The following SLX9 variants were observed in gnomAD, a reference collection of about 807,000 sequenced individuals.
The protein encoded by SLX9 is SLX9 ribosome biogenesis factor, also known as ribosome biogenesis protein SLX9 homolog.
SLX9 carries 19 observed loss-of-function variants against 20.8 expected under a neutral mutation model. The ratio of observed to expected loss-of-function variants is 0.91; its 90% CI spans 0.64 to 1.34. The LOEUF (loss-of-function observed/expected upper bound fraction) is 1.34. Ranked by LOEUF, SLX9 falls within the 40% of genes most tolerant of loss-of-function variation. The probability of loss-of-function intolerance (pLI) is 0.00; values close to 1 mark genes in which losing one functional copy is unlikely to be tolerated. For missense variants in SLX9, 299 were observed against 322.2 expected (o/e 0.93, Z 0.55); for synonymous variants, 113 against 137.1 (o/e 0.82, Z 1.23).
chr21:44,960,290 G>C, intron 3 of SLX9, 122 bp downstream of exon 3: 2 of 922,064 alleles, frequency 2.2e-6, no homozygotes, highest in Non-Finnish European at 3.5e-6. Flanking sequence ...GAGTGCCCAA[G>C]GGGATCACCC....
In SLX9 at chr21:44,976,738, C is replaced by A. The variant is rs777484844; in HGVS notation, c.628C>A (p.Pro210Thr). Residue 210 changes from proline to threonine, a missense_variant, in exon 6 of 6, where the codon CCC (proline) becomes ACC (threonine). Coordinates refer to ENST00000291634, the MANE Select transcript of SLX9 (RefSeq NM_058190.4). ...GGCCAGTCCGGCCTACAGAGCCAGC[C>A]CCCTGGTGGCCATCGGGCAGACGCT... ...LLASPAYRAS[P>T]LVAIGQTLAR... 1 of 1,567,558 alleles carries A rather than the reference C, an allele frequency of 6.4e-7. No individual in the cohort carries two copies. The highest frequency in any genetic ancestry group is 8.6e-7 in the Non-Finnish European group (1 of 1,157,132).
Position 44,955,008 on chromosome 21 carries a change from G to A in SLX9, c.284-5092G>A, listed in dbSNP as rs182547317. Reference sequence around the variant, plus strand: ...GCAGGTGGATCACTTGAGGTCAGGAGTTTGAGACCAGGCTGGCCAACATCA... The same window carrying A: ...GCAGGTGGATCACTTGAGGTCAGGAATTTGAGACCAGGCTGGCCAACATCA... On this transcript the variant is annotated intron_variant, in intron 2 of 5. Coordinates refer to ENST00000291634, the MANE Select transcript of SLX9 (RefSeq NM_058190.4). 3.2e-3 allele frequency among the ~76,000 whole-genome samples: 491 copies of A among 152,210 alleles called. 4 individuals carry two copies. Among genetic ancestry groups the A allele is most frequent in the African/African-American group, 0.011 (445 of 41,530 alleles).
At chr21:44,940,361 T>C (rs2084518974) in intron 1 of SLX9, among the ~76,000 whole-genome samples, 175 bp downstream of exon 1, 1 of 152,170 alleles carries the variant, frequency 6.6e-6, no homozygotes. Flanking sequence ...ACTCCGAGGC[T>C]CCGCTCTGCG....
At chr21:44,968,506 G>A (rs1023350112) in intron 4 of SLX9, among the ~76,000 whole-genome samples, 2 of 152,356 alleles carry the variant, frequency 1.3e-5, no homozygotes, top group Middle Eastern at 3.4e-3. Context: ...GCTGCTGCCT[G>A]TGGCGCCCGT....
At chr21:44,941,466 T>TC (rs796694341) in intron 1 of SLX9, among the ~76,000 whole-genome samples, 15 of 152,206 alleles carry the variant, frequency 9.9e-5, no homozygotes, top group African/African-American at 3.4e-4. Flanking sequence ...TTTTTTTTTT[T>TC]CTTCCTGTTT....
At chr21:44,976,270 G>A (rs535162484) in intron 5 of SLX9, among the ~76,000 whole-genome samples, 5 of 151,208 alleles carry the variant, frequency 3.3e-5, no homozygotes, top group African/African-American at 9.7e-5. Context: ...GGCCTCTGCC[G>A]GCTCAGGCTC....
At chr21:44,970,484 G>A (rs1385258865) in intron 4 of SLX9, among the ~76,000 whole-genome samples, 3 of 152,180 alleles carry the variant, frequency 2.0e-5, no homozygotes, top group Admixed American at 6.5e-5. Flanking sequence ...CAGTCCTGCT[G>A]TTTCTCTAGG....
At chr21:44,960,868 A>G (rs997171621) in intron 3 of SLX9, among the ~76,000 whole-genome samples, 1 of 152,168 alleles carries the variant, frequency 6.6e-6, no homozygotes, top group Non-Finnish European at 1.5e-5. Context: ...CGTCAAAATT[A>G]TTTTGTATTT....
At chr21:44,944,762 C>T (rs145468542) in intron 2 of SLX9, among the ~76,000 whole-genome samples, 49 of 152,284 alleles carry the variant, frequency 3.2e-4, no homozygotes, top group Non-Finnish European at 5.6e-4. Context: ...GGGCAGGAGC[C>T]GGGTCTGGGG....
chr21:44,952,243 C>T (rs1172576381), intron 2 of SLX9, among the ~76,000 whole-genome samples: 3 of 152,234 alleles, frequency 2.0e-5, no homozygotes, highest in South Asian at 4.1e-4. Context: ...TTGCCGAGGT[C>T]CCTGGGCCGC....
chr21:44,943,200 A>G (rs1211755521), intron 1 of SLX9, among the ~76,000 whole-genome samples: 1 of 152,006 alleles, frequency 6.6e-6, no homozygotes, highest in Non-Finnish European at 1.5e-5. Flanking sequence ...TCATGCAGGG[A>G]TGAGTGTGGC....
chr21:44,966,900 A>G (rs1376273391), intron 3 of SLX9, 134 bp from the exon 4 acceptor site: 2 of 1,157,368 alleles, frequency 1.7e-6, no homozygotes, highest in African/African-American at 3.1e-5. Context: ...CCAGGGGCGG[A>G]ATGGGGGTGA....
intron 2 of SLX9, 113 bp from the exon 3 acceptor site, chr21:44,959,987 C>G (rs1374303372): frequency 2.2e-6 from 2 of 902,996 alleles, no homozygotes; most frequent in African/African-American, 3.3e-5. Flanking sequence ...ACAGGCCAGA[C>G]CAGTTGCAGT....
intron 4 of SLX9, chr21:44,969,237 G>A (rs756402571): frequency 2.1e-6 from 1 of 469,120 alleles, no homozygotes; most frequent in South Asian, 1.6e-5. Context: ...CGCGGCGGAG[G>A]CACCAGAGCA....
intron 2 of SLX9, among the ~76,000 whole-genome samples, chr21:44,949,865 G>T (rs995575523): frequency 6.6e-6 from 1 of 152,294 alleles, no homozygotes; most frequent in East Asian, 1.9e-4. Context: ...AGGCACCTGC[G>T]GTGGAGGGAC....
At chr21:44,945,877 A>G (rs2084632785) in intron 2 of SLX9, among the ~76,000 whole-genome samples, 1 of 152,138 alleles carries the variant, frequency 6.6e-6, no homozygotes, top group Admixed American at 6.5e-5. Flanking sequence ...CACCACGCCC[A>G]GCTAACGCCA....
intron 2 of SLX9, among the ~76,000 whole-genome samples, chr21:44,949,186 G>A (rs939159606): frequency 2.6e-5 from 4 of 152,166 alleles, no homozygotes; most frequent in African/African-American, 7.2e-5. Flanking sequence ...CCCGAGCCCC[G>A]ACTTGGCTGC....
chr21:44,955,776 T>C (rs1305587730), intron 2 of SLX9, among the ~76,000 whole-genome samples: 1 of 152,222 alleles, frequency 6.6e-6, no homozygotes, highest in Admixed American at 6.5e-5. Context: ...GAAGTTTTGT[T>C]GTCCGATGCA....
At chr21:44,953,433 C>T (rs571426752) in intron 2 of SLX9, among the ~76,000 whole-genome samples, 9 of 152,216 alleles carry the variant, frequency 5.9e-5, no homozygotes, top group African/African-American at 2.2e-4. Flanking sequence ...GCCACTCCCT[C>T]GGGCACCATC....
Sources: gnomAD v4.1 joint callset for allele counts (sites outside exome capture counted in the v4.1 genomes callset) on GRCh38, gnomAD v4.1.1 for gene constraint, MANE v1.5 for transcripts, NCBI Gene and HGNC (gene_info 2026-07-23, HGNC 2026-07-21) for gene names.